The following CPNE4 variants were observed in gnomAD, a reference collection of about 807,000 sequenced individuals.
The protein encoded by CPNE4 is copine-4.
Under a neutral mutation model 67.9 loss-of-function variants are expected in CPNE4, and 25 were observed. The ratio of observed to expected loss-of-function variants is 0.37; its 90% CI spans 0.27 to 0.51. CPNE4 has a LOEUF of 0.51. Among genes scored for constraint, CPNE4 ranks in the 20% least tolerant of loss-of-function variants. CPNE4 has a pLI of 0.93. For synonymous variants in CPNE4, 242 were observed against 244.9 expected (o/e 0.99, Z 0.11); for missense variants, 464 against 690.8 (o/e 0.67, Z 3.68).
chr3:131,849,381 C>T (rs2086142615), intron 2 of CPNE4, among the ~76,000 whole-genome samples: 1 of 152,046 alleles, frequency 6.6e-6, no homozygotes, highest in Non-Finnish European at 1.5e-5. Context: ...CCTCAGGAAA[C>T]GTTCAATCGT....
intron 1 of CPNE4, among the ~76,000 whole-genome samples, chr3:131,980,702 C>T (rs188951539): frequency 2.6e-5 from 4 of 152,184 alleles, no homozygotes; most frequent in Middle Eastern, 3.4e-3. Context: ...TCAGGTTAAT[C>T]AGGGATTTCT....
At chr3:131,978,192 T>G (rs1205749269) in intron 1 of CPNE4, among the ~76,000 whole-genome samples, 7 of 55,842 alleles carry the variant, frequency 1.3e-4, no homozygotes, top group African/African-American at 6.9e-4. Flanking sequence ...TATAATATAT[T>G]TATAATTATT....
intron 1 of CPNE4, among the ~76,000 whole-genome samples, chr3:132,025,810 T>C (rs2107695577): frequency 6.6e-6 from 1 of 152,302 alleles, no homozygotes; most frequent in Middle Eastern, 3.4e-3. Flanking sequence ...ACCTAGGAAT[T>C]CCTGACTTAA....
At chr3:131,985,964 GT>G (rs1385297240) in intron 1 of CPNE4, 1 of 154,094 alleles carries the variant, frequency 6.5e-6, no homozygotes, top group Non-Finnish European at 1.5e-5. Context: ...AATTCTAAGG[GT>G]TTTCAACCAA....
chr3:131,846,956 G>T (rs1238062425), intron 2 of CPNE4, among the ~76,000 whole-genome samples: 1 of 152,142 alleles, frequency 6.6e-6, no homozygotes, highest in Non-Finnish European at 1.5e-5. Flanking sequence ...AAGTCACATA[G>T]TATCACAAGC....
At chr3:131,969,043 C>T (rs1258061306) in intron 1 of CPNE4, among the ~76,000 whole-genome samples, 2 of 147,950 alleles carry the variant, frequency 1.4e-5, no homozygotes, top group African/African-American at 4.9e-5. Flanking sequence ...AGTATGAGTT[C>T]ATATCCTTTG....
intron 7 of CPNE4, among the ~76,000 whole-genome samples, chr3:131,618,952 A>G (rs908529168): frequency 6.6e-6 from 1 of 152,186 alleles, no homozygotes; most frequent in Non-Finnish European, 1.5e-5. Flanking sequence ...ATGGAAAGCA[A>G]TATGATGTGA....
chr3:131,704,314 A>G (rs899697995), intron 3 of CPNE4, among the ~76,000 whole-genome samples: 1 of 152,166 alleles, frequency 6.6e-6, no homozygotes, highest in African/African-American at 2.4e-5. Context: ...GCAAGATGGA[A>G]GTGGGGAGGT....
At chr3:131,752,054 TG>T (rs896382269) in intron 2 of CPNE4, among the ~76,000 whole-genome samples, 1 of 152,016 alleles carries the variant, frequency 6.6e-6, no homozygotes, top group African/African-American at 2.4e-5. Flanking sequence ...CCCAGCGACG[TG>T]GGGGAAGGAT....
chr3:131,952,921 C>G (rs1162944880), intron 1 of CPNE4, among the ~76,000 whole-genome samples: 2 of 152,082 alleles, frequency 1.3e-5, no homozygotes, highest in Admixed American at 6.5e-5. Context: ...GCCTTGGGAT[C>G]CTGTTGATCT....
intron 10 of CPNE4, among the ~76,000 whole-genome samples, chr3:131,569,989 G>T (rs1398070332): frequency 1.3e-5 from 2 of 151,670 alleles, no homozygotes; most frequent in Admixed American, 1.3e-4. Flanking sequence ...TATATATATA[G>T]TTGTAATCAT....
chr3:131,666,798 G>A (rs1287224180), intron 7 of CPNE4, among the ~76,000 whole-genome samples: 1 of 133,328 alleles, frequency 7.5e-6, no homozygotes, highest in East Asian at 2.0e-4. Flanking sequence ...GTAAATTACA[G>A]GGGGAAAAAA....
At chr3:131,885,335 C>CT (rs3041549) in intron 2 of CPNE4, among the ~76,000 whole-genome samples, 124 of 140,772 alleles carry the variant, frequency 8.8e-4, no homozygotes, top group South Asian at 6.3e-3. Flanking sequence ...GGAGAAATTT[C>CT]TTTTTTTTTT....
Position 131,534,897 on chromosome 3 carries a change from G to A in CPNE4, c.*298C>T, listed in dbSNP as rs553312567. On this transcript the variant is annotated 3_prime_UTR_variant, in exon 16 of 16. Coordinates refer to ENST00000429747, the MANE Select transcript of CPNE4 (RefSeq NM_130808.3). ...AATTTAGCAAAATTTCAACAAACCT[G>A]TATAAAAAATGGATACAGATACCAT... The A allele has an allele frequency of 4.2e-4, 90 of 213,388 alleles. No individual in the cohort carries two copies. Among genetic ancestry groups the A allele is most frequent in the Middle Eastern group, 3.5e-3 (2 of 576 alleles). The allele number at this position is 213,388 out of a possible 1,614,324, so 13.2% of individuals were successfully genotyped here.
At chr3:131,655,638 T>C (rs967414982) in intron 7 of CPNE4, among the ~76,000 whole-genome samples, 1 of 152,090 alleles carries the variant, frequency 6.6e-6, no homozygotes, top group African/African-American at 2.4e-5. Flanking sequence ...CCACAGGAAA[T>C]GAAACCGACG....
intron 2 of CPNE4, among the ~76,000 whole-genome samples, chr3:131,817,777 G>C (rs1300737765): frequency 2.0e-5 from 3 of 152,190 alleles, no homozygotes; most frequent in Non-Finnish European, 4.4e-5. Flanking sequence ...GTTACAGAGA[G>C]ACGTATTCTC....
At chr3:131,907,012 A>C (rs575724000) in intron 1 of CPNE4, among the ~76,000 whole-genome samples, 19 of 152,270 alleles carry the variant, frequency 1.2e-4, no homozygotes, top group African/African-American at 4.3e-4. Flanking sequence ...ATTTACAAGA[A>C]AAAAACAAAC....
intron 2 of CPNE4, among the ~76,000 whole-genome samples, chr3:131,889,179 G>A (rs2088010819): frequency 6.6e-6 from 1 of 152,124 alleles, no homozygotes; most frequent in Non-Finnish European, 1.5e-5. Context: ...AAGTTCTATT[G>A]TTGTTACCTT....
rs1256407740 is a variant in CPNE4 at position 131,932,828 on chromosome 3, G to C, written c.-1-27384C>G. ...AGGTCAGGAGTTCGAAACCAGCCTG[G>C]CCAACATGGTGAAATACCATCTCTA... On this transcript the variant is annotated intron_variant, in intron 1 of 15. Coordinates refer to ENST00000429747, the MANE Select transcript of CPNE4 (RefSeq NM_130808.3). Among the ~76,000 whole-genome samples the C allele has an allele frequency of 3.9e-5, 6 of 152,086 alleles. No homozygotes were observed. The South Asian group carries it at 1.2e-3, about 32-fold the overall frequency.
Sources: allele counts gnomAD v4.1 joint callset (sites outside exome capture counted in the v4.1 genomes callset), GRCh38; gene constraint gnomAD v4.1.1; transcripts MANE v1.5; gene names NCBI Gene and HGNC (gene_info 2026-07-23, HGNC 2026-07-21).